Variants in CPNE8 observed in about 807,000 individuals in gnomAD.
The protein encoded by CPNE8 is copine-8.
CPNE8 carries 45 observed loss-of-function variants against 81.5 expected under a neutral mutation model. That is an observed-to-expected ratio of 0.55 (90% CI 0.44 to 0.71). The LOEUF is 0.71. Among genes scored for constraint, CPNE8 ranks in the 30% least tolerant of loss-of-function variants. CPNE8 has a pLI of 0.00. For synonymous variants in CPNE8, 252 were observed against 226.3 expected (o/e 1.11, Z -1.02); for missense variants, 594 against 672.1 (o/e 0.88, Z 1.28).
chr12:38,662,803 T>C (rs1292946671), intron 19 of CPNE8, among the ~76,000 whole-genome samples: 1 of 152,014 alleles, frequency 6.6e-6, no homozygotes, highest in Non-Finnish European at 1.5e-5. Context: ...CATAGACCAA[T>C]GGAACAGAAT....
chr12:38,888,767 T>TA (rs75552194), intron 1 of CPNE8, among the ~76,000 whole-genome samples: 7,302 of 152,192 alleles, frequency 0.048, 527 homozygotes, highest in East Asian at 0.32. Context: ...CTACAAGTCC[T>TA]AAAAAAACCA....
intron 6 of CPNE8, among the ~76,000 whole-genome samples, chr12:38,806,674 T>A (rs1942813665): frequency 7.2e-6 from 1 of 138,564 alleles, no homozygotes; most frequent in African/African-American, 2.5e-5. Flanking sequence ...CTAGAAGCAT[T>A]CCCTTTGAAA....
At chr12:38,774,373 C>T (rs1941876938) in intron 7 of CPNE8, among the ~76,000 whole-genome samples, 1 of 151,912 alleles carries the variant, frequency 6.6e-6, no homozygotes, top group African/African-American at 2.4e-5. Context: ...CTTTATCATA[C>T]AAAACATATA....
At chr12:38,861,024 G>A (rs1306903602) in intron 3 of CPNE8, among the ~76,000 whole-genome samples, 1 of 151,930 alleles carries the variant, frequency 6.6e-6, no homozygotes, top group Non-Finnish European at 1.5e-5. Context: ...AAAATAATGT[G>A]GAAATATACA....
At chr12:38,895,992 A>G (rs924461101) in intron 1 of CPNE8, among the ~76,000 whole-genome samples, 8 of 151,958 alleles carry the variant, frequency 5.3e-5, no homozygotes, top group Admixed American at 2.0e-4. Context: ...ACATAACATC[A>G]CCTCTTTTCA....
intron 1 of CPNE8, among the ~76,000 whole-genome samples, chr12:38,877,619 G>A (rs796418077): frequency 7.2e-5 from 11 of 152,168 alleles, no homozygotes; most frequent in African/African-American, 2.6e-4. Flanking sequence ...ATTATCTGAT[G>A]AAATATCTAA....
chr12:38,841,894 A>G (rs1183050602), intron 4 of CPNE8, among the ~76,000 whole-genome samples: 7 of 152,174 alleles, frequency 4.6e-5, no homozygotes, highest in African/African-American at 1.7e-4. Flanking sequence ...AATGCAGAGA[A>G]TATGACTTCT....
chr12:38,656,303 C>T (rs1379595269), intron 19 of CPNE8, among the ~76,000 whole-genome samples: 1 of 148,484 alleles, frequency 6.7e-6, no homozygotes, highest in African/African-American at 2.5e-5. Flanking sequence ...GGTCAGTATA[C>T]ATGCAGTGGT....
intron 19 of CPNE8, among the ~76,000 whole-genome samples, chr12:38,661,050 C>T (rs1284504603): frequency 3.3e-5 from 5 of 152,134 alleles, no homozygotes; most frequent in African/African-American, 9.7e-5. Context: ...GACAGTGTGG[C>T]GATTCCTCAA....
intron 19 of CPNE8, among the ~76,000 whole-genome samples, chr12:38,656,832 G>A (rs1938831751): frequency 6.6e-6 from 1 of 152,158 alleles, no homozygotes; most frequent in Non-Finnish European, 1.5e-5. Context: ...ACAAGTCTGT[G>A]CACAGACCAG....
intron 6 of CPNE8, among the ~76,000 whole-genome samples, chr12:38,819,441 T>G (rs981767851): frequency 2.0e-5 from 3 of 152,092 alleles, no homozygotes; most frequent in Non-Finnish European, 4.4e-5. Flanking sequence ...TTATTTGCTT[T>G]GATAACTAAC....
chr12:38,699,574 T>TTTCC (rs985043625), intron 14 of CPNE8, among the ~76,000 whole-genome samples: 1 of 151,984 alleles, frequency 6.6e-6, no homozygotes, highest in African/African-American at 2.4e-5. Context: ...TCCTTCCTTC[T>TTTCC]TTCCTTCCTT....
chr12:38,749,218 G>A (rs1257275199), intron 10 of CPNE8, among the ~76,000 whole-genome samples: 2 of 152,268 alleles, frequency 1.3e-5, no homozygotes, highest in African/African-American at 2.4e-5. Flanking sequence ...TGCCCTCCAC[G>A]TGAGACTTGA....
intron 9 of CPNE8, 25 bp downstream of exon 9, chr12:38,762,087 T>C (rs1941585477): frequency 8.5e-7 from 1 of 1,181,598 alleles, no homozygotes; most frequent in Non-Finnish European, 1.2e-6. Context: ...TATTTGAAGA[T>C]TTTTGAATAA....
intron 16 of CPNE8, among the ~76,000 whole-genome samples, chr12:38,678,328 T>C (rs533040896): frequency 6.6e-6 from 1 of 152,190 alleles, no homozygotes; most frequent in African/African-American, 2.4e-5. Flanking sequence ...ATTTTATGAA[T>C]ATGTTACATT....
chr12:38,722,043 C>T (rs752211959), intron 13 of CPNE8, among the ~76,000 whole-genome samples: 7 of 152,254 alleles, frequency 4.6e-5, no homozygotes, highest in South Asian at 2.1e-4. Flanking sequence ...CTAGGCCAAG[C>T]GGATGGAACG....
intron 6 of CPNE8, among the ~76,000 whole-genome samples, chr12:38,799,691 T>C (rs1342671668): frequency 6.6e-6 from 1 of 151,576 alleles, no homozygotes; most frequent in Non-Finnish European, 1.5e-5. Context: ...GGTCTACAGC[T>C]CCCAGCGTGA....
chr12:38,894,404 A>G (rs936811819), intron 1 of CPNE8, among the ~76,000 whole-genome samples: 15 of 152,168 alleles, frequency 9.9e-5, no homozygotes, highest in Non-Finnish European at 1.9e-4. Context: ...GTAACTTGAT[A>G]TTGATTACGC....
chr12:38,813,235 T>G (rs1212399258), intron 6 of CPNE8, among the ~76,000 whole-genome samples: 1 of 152,168 alleles, frequency 6.6e-6, no homozygotes, highest in African/African-American at 2.4e-5. Context: ...AAAGGACTAA[T>G]GCATAATGAG....
Sources: gnomAD v4.1 joint callset for allele counts (sites outside exome capture counted in the v4.1 genomes callset) on GRCh38, gnomAD v4.1.1 for gene constraint, MANE v1.5 for transcripts, NCBI Gene and HGNC (gene_info 2026-07-23, HGNC 2026-07-21) for gene names.